The following HS6ST2 variants were observed in gnomAD, a reference collection of about 807,000 sequenced individuals.
HS6ST2 encodes heparan-sulfate 6-O-sulfotransferase 2.
In HS6ST2, 17 loss-of-function variants were observed where a neutral mutation model predicts 33.0. The observed-to-expected ratio is 0.52, with a 90% CI of 0.35 to 0.77. The LOEUF (loss-of-function observed/expected upper bound fraction) is 0.77. Among genes scored for constraint, HS6ST2 ranks in the 30% least tolerant of loss-of-function variants. The probability of loss-of-function intolerance (pLI) is 0.01; values close to 1 mark genes in which losing one functional copy is unlikely to be tolerated. For synonymous variants in HS6ST2, 248 were observed against 237.1 expected, an observed-to-expected ratio of 1.05 and a Z score of -0.42; for missense variants, 519 against 551.7, an observed-to-expected ratio of 0.94 and a Z score of 0.59.
At chrX:132,706,615 C>T (rs764267999) in intron 3 of HS6ST2, among the ~76,000 whole-genome samples, 1 of 112,009 alleles carries the variant, frequency 8.9e-6, no homozygotes, top group African/African-American at 3.2e-5. Context: ...TAATACTAGG[C>T]ATTTGGGATG....
At chrX:132,842,053 T>C (rs756543959) in intron 2 of HS6ST2, among the ~76,000 whole-genome samples, 11 of 111,979 alleles carry the variant, frequency 9.8e-5, no homozygotes, top group East Asian at 2.8e-4. Context: ...ATCCAACCCA[T>C]TGAATTTAGA....
At chrX:132,948,930 T>C (rs1018927921) in intron 2 of HS6ST2, among the ~76,000 whole-genome samples, 1 of 112,043 alleles carries the variant, frequency 8.9e-6, no homozygotes, top group African/African-American at 3.2e-5. Context: ...ACCTACGGTG[T>C]AGTTTCAGTG....
intron 2 of HS6ST2, among the ~76,000 whole-genome samples, chrX:132,774,834 C>G (rs1206535338): frequency 9.1e-6 from 1 of 110,430 alleles, no homozygotes; most frequent in Non-Finnish European, 1.9e-5. Context: ...GTGTGCACAA[C>G]CACACCCAGC....
chrX:132,857,757 G>A (rs757346877), intron 2 of HS6ST2, among the ~76,000 whole-genome samples: 8 of 111,710 alleles, frequency 7.2e-5, no homozygotes, highest in Non-Finnish European at 1.3e-4. Context: ...GTTCCATGAC[G>A]GCACAGACTT....
chrX:132,958,587 A>G lies in HS6ST2; in HGVS notation c.16T>C (p.Cys6Arg). MALPA[C>R]AVREFEPPRQ... The stretch of plus-strand genomic sequence containing the variant: ...GGCGGCTCGAACTCCCGGACTGCAC[A>G]CGCAGGCAGTGCCATTCCCCCCTTC... The change falls in exon 1 of 5, where the codon TGT becomes CGT. Residue 6 changes from cysteine to arginine, a missense_variant. Transcript: ENST00000370833. The G allele has an allele frequency of 8.5e-7, 1 of 1,175,605 alleles. No individual in the cohort carries two copies. Among genetic ancestry groups the G allele is most frequent in the Non-Finnish European group, 1.1e-6 (1 of 876,856 alleles).
chrX:132,683,049 G>A (rs1410054088), intron 3 of HS6ST2, among the ~76,000 whole-genome samples: 1 of 111,219 alleles, frequency 9.0e-6, no homozygotes, highest in African/African-American at 3.3e-5. Context: ...GGTAGGTCAA[G>A]GCTGCAGTGA....
At chrX:132,884,974 A>G (rs925951504) in intron 2 of HS6ST2, among the ~76,000 whole-genome samples, 3 of 112,017 alleles carry the variant, frequency 2.7e-5, no homozygotes, top group Non-Finnish European at 1.9e-5. Flanking sequence ...ATTATAATAT[A>G]TACTTTACAT....
At chrX:132,851,001 A>AT (rs779766896) in intron 2 of HS6ST2, among the ~76,000 whole-genome samples, 8 of 112,045 alleles carry the variant, frequency 7.1e-5, no homozygotes, top group South Asian at 3.7e-4. Context: ...TTAATGGTCT[A>AT]TTTTTTGTAA....
chrX:132,660,193 G>A (rs1168729452), intron 4 of HS6ST2, among the ~76,000 whole-genome samples: 1 of 111,679 alleles, frequency 9.0e-6, no homozygotes, highest in African/African-American at 3.3e-5. Context: ...GTTCTCTGCT[G>A]TATCCCCAGA....
chrX:132,795,857 C>A (rs183554095), intron 2 of HS6ST2, among the ~76,000 whole-genome samples: 1 of 111,900 alleles, frequency 8.9e-6, no homozygotes, highest in African/African-American at 3.2e-5. Flanking sequence ...AATCCGCCCA[C>A]CTTGGCCTCC....
chrX:132,649,219 C>T (rs899817177), intron 4 of HS6ST2, among the ~76,000 whole-genome samples: 4 of 111,950 alleles, frequency 3.6e-5, no homozygotes, highest in Non-Finnish European at 7.5e-5. Flanking sequence ...TCCATCTCTA[C>T]AAACTGCTGC....
chrX:132,717,094 C>T (rs936180972), intron 2 of HS6ST2, among the ~76,000 whole-genome samples: 3 of 113,002 alleles, frequency 2.7e-5, no homozygotes, highest in Non-Finnish European at 5.6e-5. Context: ...CAAGATAATT[C>T]TCAGGGAATA....
At chrX:132,707,235 G>A (rs1200250081) in intron 3 of HS6ST2, among the ~76,000 whole-genome samples, 1 of 112,025 alleles carries the variant, frequency 8.9e-6, no homozygotes, top group Non-Finnish European at 1.9e-5. Context: ...TGGAGCTAGT[G>A]CTTGACAAAA....
intron 3 of HS6ST2, among the ~76,000 whole-genome samples, chrX:132,691,392 ACC>A (rs767948424): frequency 7.9e-4 from 88 of 111,514 alleles, no homozygotes; most frequent in Non-Finnish European, 1.3e-3. Context: ...AACTCCCTTA[ACC>A]GCTCTTGTCT....
intron 2 of HS6ST2, among the ~76,000 whole-genome samples, chrX:132,729,420 A>G (rs1167195534): frequency 2.7e-5 from 3 of 111,910 alleles, no homozygotes; most frequent in Non-Finnish European, 5.6e-5. Flanking sequence ...CAATTCAGGT[A>G]GAGAAGCAGT....
intron 2 of HS6ST2, among the ~76,000 whole-genome samples, chrX:132,930,098 T>C (rs1198702707): frequency 2.7e-5 from 3 of 111,696 alleles, no homozygotes; most frequent in African/African-American, 6.5e-5. Flanking sequence ...TTGTGGCAAG[T>C]AGCCCATTCT....
intron 2 of HS6ST2, among the ~76,000 whole-genome samples, chrX:132,950,237 C>T (rs1480420486): frequency 8.9e-6 from 1 of 111,737 alleles, no homozygotes; most frequent in Non-Finnish European, 1.9e-5. Flanking sequence ...TGGTTCTTCC[C>T]GGTAACCCCA....
At chrX:132,707,585 G>A (rs1268138788) in intron 3 of HS6ST2, among the ~76,000 whole-genome samples, 1 of 111,609 alleles carries the variant, frequency 9.0e-6, no homozygotes, top group African/African-American at 3.3e-5. Flanking sequence ...AACCTATTTG[G>A]CCAGGGAGCA....
At chrX:132,705,511 T>C (rs2064182918) in intron 3 of HS6ST2, among the ~76,000 whole-genome samples, 1 of 111,403 alleles carries the variant, frequency 9.0e-6, no homozygotes, top group Non-Finnish European at 1.9e-5. Flanking sequence ...AAATATACTA[T>C]TGAGTGAGGC....
Sources: gnomAD v4.1 joint callset for allele counts (sites outside exome capture counted in the v4.1 genomes callset) on GRCh38, gnomAD v4.1.1 for gene constraint, MANE v1.5 for transcripts, NCBI Gene and HGNC (gene_info 2026-07-23, HGNC 2026-07-21) for gene names.